MIIP: variants seen among roughly 807,000 people sequenced by gnomAD.
MIIP encodes migration and invasion inhibitory protein, also known as migration and invasion-inhibitory protein.
MIIP carries 44 observed loss-of-function variants against 44.8 expected under a neutral mutation model. That is an observed-to-expected ratio of 0.98 (90% CI 0.77 to 1.26). The LOEUF (loss-of-function observed/expected upper bound fraction) is 1.26, where lower values mean the gene tolerates loss of function less well. Ranked by LOEUF, MIIP falls within the 50% of genes most tolerant of loss-of-function variation. The pLI, the probability that MIIP is intolerant of heterozygous loss-of-function variation, is 0.00. For missense variants in MIIP, 496 were observed against 511.7 expected, an observed-to-expected ratio of 0.97 and a Z score of 0.30; for synonymous variants, 225 against 218.3, an observed-to-expected ratio of 1.03 and a Z score of -0.27.
intron 4 of MIIP, among the ~76,000 whole-genome samples, chr1:12,023,603 C>T (rs1569918528): frequency 1.3e-5 from 2 of 150,490 alleles, no homozygotes; most frequent in Non-Finnish European, 3.0e-5. Flanking sequence ...TTAGTAGAGA[C>T]GGGATTTCAC....
At chr1:12,023,142 C>A (rs1640021036) in intron 4 of MIIP, among the ~76,000 whole-genome samples, 1 of 149,388 alleles carries the variant, frequency 6.7e-6, no homozygotes. Flanking sequence ...TGGCTCACAG[C>A]AACCTCCACC....
chr1:12,022,336 C>T lies in MIIP; in HGVS notation c.356C>T (p.Thr119Ile), dbSNP rs777990263. Residue 119 changes from threonine to isoleucine, a missense_variant, in exon 3 of 10, where the codon ACC (threonine) becomes ATC (isoleucine). Physicochemically the swap from Thr to Ile is moderately conservative, Grantham distance 89. Coordinates refer to ENST00000235332, the MANE Select transcript of MIIP (RefSeq NM_021933.4). ...PRPHSAPSLGTSSLRDPEPSG... is the reference protein window; with the variant it reads ...PRPHSAPSLGISSLRDPEPSG... ...CCCCACTCAGCACCCTCGCTGGGCA[C>T]CTCAAGCCTGAGGGACCCAGAGCCC... The T allele has an allele frequency of 1.1e-5, 18 of 1,613,760 alleles. No individual in the cohort carries two copies. In the East Asian group the frequency reaches 4.0e-4, roughly 36 times the overall value.
At chr1:12,026,053 C>A (rs2100901570) in intron 4 of MIIP, among the ~76,000 whole-genome samples, 1 of 151,842 alleles carries the variant, frequency 6.6e-6, no homozygotes, top group African/African-American at 2.4e-5. Flanking sequence ...GCCTGTAATC[C>A]CAGCAATTTG....
At position 12,026,353 on chromosome 1, in the gene MIIP, CG is replaced by C. The variant is rs558767334; in HGVS notation, c.548-2676del. On this transcript the variant is annotated intron_variant, in intron 4 of 9. Transcript: ENST00000235332. ...TGGAGTTGCTGAGAGCAACTGGTGG[CG>C]GGGACACAGGCCCTGCCCTTGAGTA... Among the ~76,000 whole-genome samples the C allele has an allele frequency of 7.2e-5, 11 of 152,218 alleles. No homozygotes were observed. The South Asian group carries it at 2.3e-3, about 32-fold the overall frequency.
At chr1:12,030,856 GAGT>G (rs1640227309) in intron 8 of MIIP, among the ~76,000 whole-genome samples, 1 of 152,002 alleles carries the variant, frequency 6.6e-6, no homozygotes, top group Non-Finnish European at 1.5e-5. Context: ...CCTAAATTGA[GAGT>G]AGGGCAGCTG....
chr1:12,031,049 A>G lies in MIIP; in HGVS notation c.943-217A>G, dbSNP rs1640229738. ...CTGTGAATGTCACTGTCACCGTCCT[A>G]TCCTCCTCCCATTTCAGCTCTCAGG... On this transcript the variant is annotated intron_variant, in intron 8 of 9. Transcript: ENST00000235332. 5 of 592,078 alleles carry G rather than the reference A, an allele frequency of 8.4e-6. No homozygotes were observed. The Admixed American group carries it at 9.2e-5, about 11-fold the overall frequency. 36.7% of individuals were successfully genotyped at this position (592,078 alleles called of 1,614,324 possible).
At chr1:12,023,058 T>TG in intron 4 of MIIP, 141 bp downstream of exon 4, 2 of 452,844 alleles carry the variant, frequency 4.4e-6, no homozygotes, top group Non-Finnish European at 7.9e-6. Context: ...GGGAGCACCC[T>TG]CTTTTTTTTT....
At chr1:12,031,059 C>T (rs956273201) in intron 8 of MIIP, 13 of 610,610 alleles carry the variant, frequency 2.1e-5, no homozygotes, top group Non-Finnish European at 3.8e-5. Flanking sequence ...ATCCTCCTCC[C>T]ATTTCAGCTC....
chr1:12,029,183 G>T (rs2100906151), intron 5 of MIIP, 40 bp from the exon 6 acceptor site: 2 of 1,613,474 alleles, frequency 1.2e-6, no homozygotes, highest in Non-Finnish European at 1.7e-6. Flanking sequence ...CGGCTGAGCG[G>T]CTCCATCCCC....
At chr1:12,023,526 C>G (rs1293537728) in intron 4 of MIIP, among the ~76,000 whole-genome samples, 2 of 151,680 alleles carry the variant, frequency 1.3e-5, no homozygotes, top group Non-Finnish European at 2.9e-5. Context: ...GCCTCAGCCT[C>G]CCGAGTAGCT....
chr1:12,031,260 C>A lies in MIIP; in HGVS notation c.943-6C>A, dbSNP rs368112869. On this transcript the variant is annotated splice_polypyrimidine_tract_variant and splice_region_variant and intron_variant, in intron 8 of 9. Coordinates refer to ENST00000235332, the MANE Select transcript of MIIP (RefSeq NM_021933.4). ...TCAGGCACTTTTAACTCCTTGCCTT[C>A]CACAGCACTGCCTGCTGGGCTGGGA... The A allele has an allele frequency of 5.6e-6, 9 of 1,612,556 alleles. No individual in the cohort carries two copies. The highest frequency in any genetic ancestry group is 1.3e-5 in the African/African-American group (1 of 74,884).
Position 12,029,863 on chromosome 1 carries a change from C to T in MIIP, c.814C>T (p.Pro272Ser). The T allele has an allele frequency of 6.2e-7, 1 of 1,613,026 alleles. No homozygotes were observed. Among genetic ancestry groups the T allele is most frequent in the East Asian group, 2.2e-5 (1 of 44,850 alleles). Residue 272 changes from proline to serine, a missense_variant, in exon 7 of 10, where the codon CCT becomes TCT. Pro to Ser is a moderately conservative substitution (Grantham distance 74, BLOSUM62 -1). Transcript: ENST00000235332. ...LCRTPRDQQG[P>S]GTLAQPAHVR... is the part of the protein sequence containing the mutation. Reference sequence around the variant, plus strand: ...CAGGACACCGCGAGACCAGCAGGGCCCTGGGACCCTGGCGCAGCCAGCGCA... The same window carrying T: ...CAGGACACCGCGAGACCAGCAGGGCTCTGGGACCCTGGCGCAGCCAGCGCA...
chr1:12,031,684 C>G (rs760394171), intron 9 of MIIP, 38 bp from the exon 10 acceptor site: 1 of 1,613,982 alleles, frequency 6.2e-7, no homozygotes, highest in Non-Finnish European at 8.5e-7. Context: ...CTGTCCCTTT[C>G]AAGTGGCCCC....
chr1:12,031,689 G>T, intron 9 of MIIP, 33 bp from the exon 10 acceptor site: 2 of 1,613,930 alleles, frequency 1.2e-6, no homozygotes, highest in Non-Finnish European at 1.7e-6. Context: ...CCTTTCAAGT[G>T]GCCCCCCTGA....
chr1:12,031,736 G>A lies in MIIP; in HGVS notation c.1095G>A (p.Gln365=). The A allele has an allele frequency of 6.2e-7, 1 of 1,614,082 alleles. No homozygotes were observed. The highest frequency in any genetic ancestry group is 2.2e-5 in the East Asian group (1 of 44,886). ...SSPFHPASPM[Q]MLPPTPTWSV... ...TCCCCATCCAGGCCTCACCAATGCA[G>A]ATGCTGCCCCCGACCCCGACCTGGT... Residue 365 remains glutamine, a synonymous_variant, in exon 10 of 10, where the codon CAG becomes CAA. Coordinates refer to ENST00000235332, the MANE Select transcript of MIIP (RefSeq NM_021933.4).
Position 12,022,927 on chromosome 1 carries a change from G to T in MIIP, c.547+10G>T. ...TATGACTGGATTGCAGGTAAGGCGT[G>T]CTGTTGCCCTGCACACACTTTGCCT... On this transcript the variant is annotated intron_variant, in intron 4 of 9. Coordinates refer to ENST00000235332, the MANE Select transcript of MIIP (RefSeq NM_021933.4). 6.2e-7 allele frequency: 1 copy of T among 1,602,232 alleles called. No homozygotes were observed. The highest frequency in any genetic ancestry group is 1.1e-5 in the South Asian group (1 of 89,106).
At chr1:12,031,043 C>T (rs12096568) in intron 8 of MIIP, 9,190 of 560,346 alleles carry the variant, frequency 0.016, 597 homozygotes, top group African/African-American at 0.16. Context: ...TCACTGTCAC[C>T]GTCCTATCCT....
At chr1:12,030,564 T>TC (rs1436824724) in intron 8 of MIIP, among the ~76,000 whole-genome samples, 1 of 142,590 alleles carries the variant, frequency 7.0e-6, no homozygotes, top group African/African-American at 2.6e-5. Flanking sequence ...TGCTTTTTTT[T>TC]TTTTTTTTTT....
chr1:12,023,822 C>T lies in MIIP; in HGVS notation c.547+905C>T, dbSNP rs954959988. Among the ~76,000 whole-genome samples, 10 of 151,982 alleles carry T rather than the reference C, an allele frequency of 6.6e-5. No individual in the cohort carries two copies. The East Asian group carries it at 7.8e-4, about 12-fold the overall frequency. On this transcript the variant is annotated intron_variant, in intron 4 of 9. Transcript: ENST00000235332. Reference sequence around the variant, plus strand: ...CAGCTTGACCAACATGGTGAAACCCCGTATCTACTAAAAATACAATAATTA... The same window carrying T: ...CAGCTTGACCAACATGGTGAAACCCTGTATCTACTAAAAATACAATAATTA...
Sources: gnomAD v4.1 joint callset for allele counts (sites outside exome capture counted in the v4.1 genomes callset) on GRCh38, gnomAD v4.1.1 for gene constraint, MANE v1.5 for transcripts, NCBI Gene and HGNC (gene_info 2026-07-23, HGNC 2026-07-21) for gene names.